Variants in UGT2B28 observed in about 807,000 individuals in gnomAD.
UGT2B28 encodes UDP-glucuronosyltransferase 2B28.
Under a neutral mutation model 43.6 loss-of-function variants are expected in UGT2B28, and 45 were observed. That is an observed-to-expected ratio of 1.03 (90% CI 0.81 to 1.32). The LOEUF is 1.32. Among genes scored for constraint, UGT2B28 ranks in the 40% most tolerant of loss-of-function variants. The probability of loss-of-function intolerance (pLI) is 0.00; values close to 1 mark genes in which losing one functional copy is unlikely to be tolerated. For synonymous variants in UGT2B28, 204 were observed against 208.1 expected (o/e 0.98, Z 0.17); for missense variants, 649 against 625.5 (o/e 1.04, Z -0.40).
In UGT2B28 at chr4:69,293,470, C is replaced by T. The variant is rs181067606; in HGVS notation, c.1311-1060C>T. Among the ~76,000 whole-genome samples the T allele has an allele frequency of 2.2e-4, 30 of 139,196 alleles. 3 individuals carry two copies. Among genetic ancestry groups the T allele is most frequent in the Middle Eastern group, 3.6e-3 (1 of 276 alleles). 91.3% of individuals were successfully genotyped at this position (139,196 alleles called of 152,430 possible). ...AGATATATAAATCATTTACAAAATT[C>T]TAGGAATCAGATAGAAAATAAGCAC... On this transcript the variant is annotated intron_variant, in intron 5 of 5. Coordinates refer to ENST00000335568, the MANE Select transcript of UGT2B28 (RefSeq NM_053039.2).
intron 5 of UGT2B28, among the ~76,000 whole-genome samples, chr4:69,291,581 C>A (rs1466626445): frequency 7.1e-6 from 1 of 140,788 alleles, no homozygotes; most frequent in East Asian, 2.0e-4. Flanking sequence ...TACTTCATTT[C>A]CTTTACACTT....
intron 2 of UGT2B28, among the ~76,000 whole-genome samples, chr4:69,284,854 T>C (rs1723722407): frequency 7.1e-6 from 1 of 140,328 alleles, no homozygotes; most frequent in South Asian, 2.4e-4. Flanking sequence ...ATAAGACACT[T>C]GACAAACTGC....
Position 69,280,483 on chromosome 4 carries a change from T to A in UGT2B28, c.-18T>A. The A allele has an allele frequency of 6.5e-7, 1 of 1,541,528 alleles. No individual in the cohort carries two copies. Among genetic ancestry groups the A allele is most frequent in the Non-Finnish European group, 8.7e-7 (1 of 1,148,378 alleles). ...GAAAGAAACAGTGACTTGAAAAGAA[T>A]GATTGCATTGCACCAGGATGGCTCT... is the stretch of plus-strand genomic sequence containing the variant. On this transcript the variant is annotated 5_prime_UTR_variant, in exon 1 of 6. It removes an upstream start codon present in the reference 5' UTR. Coordinates refer to ENST00000335568, the MANE Select transcript of UGT2B28 (RefSeq NM_053039.2).
Position 69,282,573 on chromosome 4 carries a change from T to C in UGT2B28, c.781T>C (p.Ser261Pro). 1 of 1,555,408 alleles carries C rather than the reference T, an allele frequency of 6.4e-7. No homozygotes were observed. Among genetic ancestry groups the C allele is most frequent in the Non-Finnish European group, 8.7e-7 (1 of 1,153,636 alleles). ...GKADIWLMRN[S>P]WSFQFPHPFL... Reference sequence around the variant, plus strand: ...AGCTGACATATGGCTTATGCGAAACTCCTGGAGTTTTCAATTTCCTCATCC... The same window carrying C: ...AGCTGACATATGGCTTATGCGAAACCCCTGGAGTTTTCAATTTCCTCATCC... The change falls in exon 2 of 6, where the codon TCC (serine) becomes CCC (proline). Residue 261 changes from serine (S) to proline (P), a missense_variant. Coordinates refer to ENST00000335568, the MANE Select transcript of UGT2B28 (RefSeq NM_053039.2).
Position 69,286,989 on chromosome 4 carries a change from A to G in UGT2B28, c.1002+106A>G, listed in dbSNP as rs1292722323. On this transcript the variant is annotated intron_variant, in intron 3 of 5. Coordinates refer to ENST00000335568, the MANE Select transcript of UGT2B28 (RefSeq NM_053039.2). ...AGGCTAGACTGAACTCTTTACAGCCAAATACAGTCTTAAATATCTTGTGTA... is the reference window on the plus strand; with the variant it reads ...AGGCTAGACTGAACTCTTTACAGCCGAATACAGTCTTAAATATCTTGTGTA... 4.1e-6 allele frequency: 6 copies of G among 1,472,640 alleles called. No individual in the cohort carries two copies. In the Admixed American group the frequency reaches 1.3e-4, roughly 33 times the overall value. The allele number at this position is 1,472,640 out of a possible 1,614,324, so 91.2% of individuals were successfully genotyped here. A position where few individuals can be genotyped will look rare whatever the true frequency, so the allele number is the denominator to read the frequency against.
At chr4:69,288,544 T>C (rs1300372258) in intron 3 of UGT2B28, among the ~76,000 whole-genome samples, 1 of 139,794 alleles carries the variant, frequency 7.2e-6, no homozygotes, top group Non-Finnish European at 1.5e-5. Flanking sequence ...CTCCATATAA[T>C]TTTTTATACT....
chr4:69,280,603 C>T lies in UGT2B28; in HGVS notation c.103C>T (p.His35Tyr), dbSNP rs1723566205. The change falls in exon 1 of 6, where the codon CAT (histidine) becomes TAT (tyrosine). Residue 35 changes from histidine (H) to tyrosine (Y), a missense_variant. Coordinates refer to ENST00000335568, the MANE Select transcript of UGT2B28 (RefSeq NM_053039.2). ...KVLVWTGEYSHWMNMKTILKE... is the reference protein window; with the variant it reads ...KVLVWTGEYSYWMNMKTILKE... ...GCTGGTGTGGACCGGTGAATACAGC[C>T]ATTGGATGAATATGAAGACAATCCT... 3.8e-6 allele frequency: 6 copies of T among 1,560,344 alleles called. No homozygotes were observed. The South Asian group carries it at 5.9e-5, about 15-fold the overall frequency.
Position 69,287,493 on chromosome 4 carries a change from T to C in UGT2B28, c.1002+610T>C, listed in dbSNP as rs367569821. 5.7e-5 allele frequency among the ~76,000 whole-genome samples: 8 copies of C among 141,036 alleles called. 2 individuals carry two copies. In the East Asian group the frequency reaches 1.6e-3, roughly 29 times the overall value. 92.5% of individuals were successfully genotyped at this position (141,036 alleles called of 152,430 possible). On this transcript the variant is annotated intron_variant, in intron 3 of 5. Coordinates refer to ENST00000335568, the MANE Select transcript of UGT2B28 (RefSeq NM_053039.2). ...TTAAGGAATGTACTATTTCTGTTTG[T>C]ACTTTAAGTCAAATGCTTATGTGAA...
Position 69,290,738 on chromosome 4 carries a change from G to C in UGT2B28, c.1237G>C (p.Val413Leu). 6.4e-7 allele frequency: 1 copy of C among 1,559,726 alleles called. No homozygotes were observed. Among genetic ancestry groups the C allele is most frequent in the Non-Finnish European group, 8.7e-7 (1 of 1,155,326 alleles). Residue 413 changes from valine to leucine, a missense_variant, in exon 5 of 6, where the codon GTT becomes CTT. Transcript: ENST00000335568. ...TCACATGAAGGCCAAGGGAGCAGCT[G>C]TTAGACTGGACTTCCACACAATGTC... ...IAHMKAKGAA[V>L]RLDFHTMSST...
chr4:69,285,141 C>T (rs891283983), intron 2 of UGT2B28, among the ~76,000 whole-genome samples: 1 of 138,656 alleles, frequency 7.2e-6, no homozygotes, highest in Non-Finnish European at 1.5e-5. Context: ...GAAGTTTTTG[C>T]AGGATAAAAT....
chr4:69,283,195 A>T (rs562340103), intron 2 of UGT2B28, among the ~76,000 whole-genome samples: 1 of 139,694 alleles, frequency 7.2e-6, no homozygotes, highest in Middle Eastern at 3.6e-3. Flanking sequence ...ATGCAGAAAT[A>T]GGTAAAAGAA....
At chr4:69,289,540 A>T (rs1023124978) in intron 3 of UGT2B28, 125 bp from the exon 4 acceptor site, 2 of 878,836 alleles carry the variant, frequency 2.3e-6, no homozygotes, top group Non-Finnish European at 3.2e-6. Context: ...TTGTTTTTAC[A>T]TCAATCTCTG....
At chr4:69,289,241 G>A (rs1200502575) in intron 3 of UGT2B28, among the ~76,000 whole-genome samples, 5 of 139,186 alleles carry the variant, frequency 3.6e-5, no homozygotes, top group Admixed American at 7.2e-5. Flanking sequence ...ATACAATCTC[G>A]CCAACATCAT....
intron 5 of UGT2B28, among the ~76,000 whole-genome samples, chr4:69,292,803 C>G (rs184178048): frequency 2.9e-5 from 4 of 139,510 alleles, no homozygotes; most frequent in Admixed American, 2.2e-4. Flanking sequence ...TATGATCCAG[C>G]CATAGTGGAA....
intron 3 of UGT2B28, among the ~76,000 whole-genome samples, 174 bp downstream of exon 3, chr4:69,287,057 G>A (rs1268520591): frequency 7.2e-6 from 1 of 138,388 alleles, no homozygotes; most frequent in Non-Finnish European, 1.5e-5. Flanking sequence ...AGACTTAGTG[G>A]TTACATGTGG....
intron 3 of UGT2B28, among the ~76,000 whole-genome samples, chr4:69,288,629 AG>A (rs1360265516): frequency 7.2e-6 from 1 of 139,524 alleles, no homozygotes; most frequent in Admixed American, 7.2e-5. Context: ...GTACATGTGC[AG>A]GTTTTTTACA....
intron 2 of UGT2B28, 94 bp downstream of exon 2, chr4:69,282,756 A>G (rs1723655425): frequency 6.8e-7 from 1 of 1,465,854 alleles, no homozygotes; most frequent in Non-Finnish European, 9.0e-7. Context: ...ACTTACACTG[A>G]AAGAAAGATG....
rs993561493 is a variant in UGT2B28, at chr4:69,282,355, T to C, written c.722-159T>C. Among the ~76,000 whole-genome samples, 5 of 140,320 alleles carry C rather than the reference T, an allele frequency of 3.6e-5. 1 individual carries two copies. The highest frequency in any genetic ancestry group is 7.2e-5 in the Admixed American group (1 of 13,964). 92.1% of individuals were successfully genotyped at this position (140,320 alleles called of 152,430 possible). Reference sequence around the variant, plus strand: ...AAACATGGACAAAATATATAATACATAAAAATATATTATTCATATACATGA... The same window carrying C: ...AAACATGGACAAAATATATAATACACAAAAATATATTATTCATATACATGA... On this transcript the variant is annotated intron_variant, in intron 1 of 5. Transcript: ENST00000335568.
In UGT2B28 at chr4:69,294,627, C is replaced by CCG. The variant is rs1428210716; in HGVS notation, c.1408_1409insCG (p.His470ProfsTer25). On this transcript the variant is annotated frameshift_variant, in exon 6 of 6. Coordinates refer to ENST00000335568, the MANE Select transcript of UGT2B28 (RefSeq NM_053039.2). LOFTEE classifies it low-confidence loss of function (END_TRUNC). ...CTTCTGGATTGAATTTGTGATGTGC[C>CCG]ACAAAGGAGCCAAACACCTTCGAGT... 1.3e-6 allele frequency: 2 copies of CCG among 1,555,990 alleles called. 1 individual carries two copies. Among genetic ancestry groups the CCG allele is most frequent in the East Asian group, 4.6e-5 (2 of 43,520 alleles).
Sources: gnomAD v4.1 joint callset for allele counts (sites outside exome capture counted in the v4.1 genomes callset) on GRCh38, gnomAD v4.1.1 for gene constraint, MANE v1.5 for transcripts, NCBI Gene and HGNC (gene_info 2026-07-23, HGNC 2026-07-21) for gene names.